Variants in CARMIL3 observed in about 807,000 individuals in gnomAD.
CARMIL3 encodes capping protein regulator and myosin 1 linker 3.
Under a neutral mutation model 180.8 loss-of-function variants are expected in CARMIL3, and 88 were observed. The ratio of observed to expected loss-of-function variants is 0.49; its 90% CI spans 0.41 to 0.58. The LOEUF (loss-of-function observed/expected upper bound fraction) is 0.58. Among genes scored for constraint, CARMIL3 ranks in the 20% least tolerant of loss-of-function variants. The pLI is 0.00. For synonymous variants in CARMIL3, 696 were observed against 714.5 expected, an observed-to-expected ratio of 0.97 and a Z score of 0.41; for missense variants, 1,548 against 1,787.0, an observed-to-expected ratio of 0.87 and a Z score of 2.41.
At position 24,061,589 on chromosome 14, in the gene CARMIL3, G is replaced by A; in HGVS notation, c.2397G>A (p.Val799=). ...GACACAACAAGATGCTGAGCAATGT[G>A]GCGGAGCGTGTCACTGTGCCCCGGA... ...AEGHNKMLSN[V]AERVTVPRNF... The change falls in exon 27 of 40, where the codon GTG becomes GTA. Residue 799 remains valine (V), a synonymous_variant. Coordinates refer to ENST00000342740, the MANE Select transcript of CARMIL3 (RefSeq NM_138360.4). The surrounding 1 kb of genome is among the most constrained non-coding windows in gnomAD (Gnocchi z 4.1). The A allele has an allele frequency of 1.9e-6, 3 of 1,614,016 alleles. No individual in the cohort carries two copies. The highest frequency in any genetic ancestry group is 2.5e-6 in the Non-Finnish European group (3 of 1,179,992).
At position 24,060,628 on chromosome 14, in the gene CARMIL3, ATGC is replaced by A; in HGVS notation, c.2066_2068del (p.Leu689del). 1 of 1,613,704 alleles carries A rather than the reference ATGC, an allele frequency of 6.2e-7. No individual in the cohort carries two copies. The highest frequency in any genetic ancestry group is 8.5e-7 in the Non-Finnish European group (1 of 1,179,870). On this transcript the variant is annotated inframe_deletion and splice_region_variant, in exon 25 of 40. Coordinates refer to ENST00000342740, the MANE Select transcript of CARMIL3 (RefSeq NM_138360.4). ...TGACACCCCTGCCACTGTGCTCCAG[ATGC>A]TGCAGCGGCTGTGTGGACGAGTGCA...
At position 24,055,546 on chromosome 14, in the gene CARMIL3, C is replaced by T. The variant is rs769326535; in HGVS notation, c.609C>T (p.Asp203=). The part of the protein sequence containing the change: ...LLDFSHLESR[D]LALMVAALAY... Reference sequence around the variant, plus strand: ...GCCCCCTTCCATATCCCCACAGAGACTTGGCCCTAATGGTAGCAGCCCTGG... The same window carrying T: ...GCCCCCTTCCATATCCCCACAGAGATTTGGCCCTAATGGTAGCAGCCCTGG... The change falls in exon 9 of 40, where the codon GAC becomes GAT. Residue 203 remains aspartate (D), a synonymous_variant. Transcript: ENST00000342740. 1.4e-5 allele frequency: 23 copies of T among 1,614,162 alleles called. No homozygotes were observed. The highest frequency in any genetic ancestry group is 1.9e-5 in the Non-Finnish European group (22 of 1,180,018).
At chr14:24,055,002 T>C in intron 6 of CARMIL3, 64 bp from the exon 7 acceptor site, 1 of 1,571,446 alleles carries the variant, frequency 6.4e-7, no homozygotes, top group Non-Finnish European at 8.7e-7. Flanking sequence ...TGACTGTTCT[T>C]GAACCCCAAG....
intron 24 of CARMIL3, 32 bp from the exon 25 acceptor site, chr14:24,060,596 G>T (rs1455792404): frequency 6.2e-7 from 1 of 1,609,546 alleles, no homozygotes; most frequent in African/African-American, 1.3e-5. Flanking sequence ...GGAAGCAGGG[G>T]TCCCCTTGAC....
intron 35 of CARMIL3, 25 bp downstream of exon 35, chr14:24,066,489 CT>C: frequency 6.2e-7 from 1 of 1,614,006 alleles, no homozygotes; most frequent in South Asian, 1.1e-5. Flanking sequence ...ATTCAAAGCC[CT>C]TTTGGACCCC....
At position 24,059,394 on chromosome 14, in the gene CARMIL3, T is replaced by A; in HGVS notation, c.1751T>A (p.Ile584Asn). The A allele has an allele frequency of 6.2e-7, 1 of 1,607,684 alleles. No homozygotes were observed. Among genetic ancestry groups the A allele is most frequent in the Non-Finnish European group, 8.5e-7 (1 of 1,177,146 alleles). Residue 584 changes from isoleucine to asparagine, a missense_variant, in exon 21 of 40, where the codon ATC (isoleucine) becomes AAC (asparagine). Physicochemically the swap from Ile to Asn is moderately radical, Grantham distance 149 (BLOSUM62 -3). Coordinates refer to ENST00000342740, the MANE Select transcript of CARMIL3 (RefSeq NM_138360.4). This position sits in a 1 kb window ranked among gnomAD's most constrained non-coding sequence, Gnocchi z 6.3. ...CTGAGCGGCAATGGCATGGAGGACA[T>A]CGGGGCCAAGATGCTGTCTAAGGCC... ...VDLSGNGMED[I>N]GAKMLSKALQ...
rs763918084 is a variant in CARMIL3, at chr14:24,065,255, T to G, written c.3378T>G (p.Pro1126=). ...CTGGATTTGGTGGGGGCCGGGGACC[T>G]TCCTTCCGCCGGAAGATGGTAAGTG... ...LLPGFGGGRG[P]SFRRKMGTEG... The change falls in exon 33 of 40, where the codon CCT becomes CCG. Residue 1126 remains proline (P), a synonymous_variant. Coordinates refer to ENST00000342740, the MANE Select transcript of CARMIL3 (RefSeq NM_138360.4). 6.5e-7 allele frequency: 1 copy of G among 1,539,952 alleles called. No individual in the cohort carries two copies. The highest frequency in any genetic ancestry group is 1.4e-5 in the African/African-American group (1 of 72,134).
intron 34 of CARMIL3, 98 bp downstream of exon 34, chr14:24,065,848 A>G (rs765844849): frequency 1.2e-5 from 18 of 1,514,526 alleles, no homozygotes; most frequent in Non-Finnish European, 1.3e-5. Flanking sequence ...CAGTAGAGAA[A>G]GCAGATGCTT....
At position 24,055,613 on chromosome 14, in the gene CARMIL3, CGGCTGGTAGGAACTGGGAGG is replaced by C. The variant is rs1566538625; in HGVS notation, c.681+3_681+22del. ...CACCAAACTCTACTGCAAGGACTTG[CGGCTGGTAGGAACTGGGAGG>C]GGCTGGTGAGGTGGGAGAAGTAGTG... On this transcript the variant is annotated splice_donor_variant and splice_donor_5th_base_variant and coding_sequence_variant and intron_variant, in exon 9 of 40. Transcript: ENST00000342740. LOFTEE classifies it high-confidence loss of function. The C allele has an allele frequency of 8.7e-6, 14 of 1,614,136 alleles. No individual in the cohort carries two copies. Among genetic ancestry groups the C allele is most frequent in the Non-Finnish European group, 1.2e-5 (14 of 1,180,022 alleles).
intron 12 of CARMIL3, 47 bp downstream of exon 12, chr14:24,056,755 C>T (rs1566539149): frequency 1.3e-6 from 2 of 1,587,836 alleles, no homozygotes; most frequent in African/African-American, 1.3e-5. Context: ...CCTGGTGCTG[C>T]CTGGGGTGTT....
At chr14:24,067,491 G>A (rs186446884) in intron 36 of CARMIL3, among the ~76,000 whole-genome samples, 1 of 152,376 alleles carries the variant, frequency 6.6e-6, no homozygotes, top group East Asian at 1.9e-4. Flanking sequence ...GAGCTGAGCG[G>A]GCTGGTCTGG....
chr14:24,068,445 T>C (rs1594556503), intron 36 of CARMIL3, 139 bp from the exon 37 acceptor site: 3 of 584,592 alleles, frequency 5.1e-6, no homozygotes, highest in Non-Finnish European at 8.5e-6. Context: ...AAAAGGCACA[T>C]GAAAGGCAGA....
At position 24,058,802 on chromosome 14, in the gene CARMIL3, C is replaced by G. The variant is rs1555335851; in HGVS notation, c.1474+41C>G. The G allele has an allele frequency of 1.9e-6, 3 of 1,612,386 alleles. No individual in the cohort carries two copies. In the East Asian group the frequency reaches 6.7e-5, roughly 36 times the overall value. On this transcript the variant is annotated intron_variant, in intron 18 of 39. Transcript: ENST00000342740. The surrounding 1 kb of genome is among the most constrained non-coding windows in gnomAD (Gnocchi z 6.4). ...TCCCTTCCCTGGGGCCAGGGGAGAACAGGGGCCTGGAGCATGCAGAAGCAG... is the reference window on the plus strand; with the variant it reads ...TCCCTTCCCTGGGGCCAGGGGAGAAGAGGGGCCTGGAGCATGCAGAAGCAG...
At chr14:24,065,516 C>T (rs1248174117) in intron 33 of CARMIL3, 106 bp from the exon 34 acceptor site, 6 of 1,479,150 alleles carry the variant, frequency 4.1e-6, no homozygotes, top group African/African-American at 1.4e-5. Flanking sequence ...AGGGCTTCCC[C>T]GTGGCTAGGG....
chr14:24,059,366 G>T lies in CARMIL3; in HGVS notation c.1723G>T (p.Asp575Tyr), dbSNP rs1431207754. ...CAGCAACACCTGCCTGGCCAAGGTG[G>T]ATCTGAGCGGCAATGGCATGGAGGA... Reference protein sequence around the residue: ...LGSNTCLAKVDLSGNGMEDIG... With the variant: ...LGSNTCLAKVYLSGNGMEDIG... Residue 575 changes from aspartate to tyrosine, a missense_variant, in exon 21 of 40, where the codon GAT (aspartate) becomes TAT (tyrosine). Asp to Tyr is a radical substitution (Grantham distance 160). Around this residue, in one of 4 missense-constraint regions of CARMIL3, gnomAD observed 297 missense variants for 415.9 expected, o/e 0.71. Coordinates refer to ENST00000342740, the MANE Select transcript of CARMIL3 (RefSeq NM_138360.4). This position sits in a 1 kb window ranked among gnomAD's most constrained non-coding sequence, Gnocchi z 6.3. 2 of 1,613,410 alleles carry T rather than the reference G, an allele frequency of 1.2e-6. No homozygotes were observed. Among genetic ancestry groups the T allele is most frequent in the Non-Finnish European group, 1.7e-6 (2 of 1,179,732 alleles).
rs2035780009 is a variant in CARMIL3, at chr14:24,065,684, G to C, written c.3459G>C (p.Arg1153Ser). The change falls in exon 34 of 40, where the codon AGG (arginine) becomes AGC (serine). Residue 1153 changes from arginine to serine, a missense_variant. Arg to Ser is a moderately radical substitution (Grantham distance 110). Coordinates refer to ENST00000342740, the MANE Select transcript of CARMIL3 (RefSeq NM_138360.4). ...CCCCTGGGACAGCACAGCAGCCAAG[G>C]GTTCACGGTGTTGCCCTTCCCGGGT... The part of the protein sequence containing the change: ...GPAPGTAQQP[R>S]VHGVALPGLE... 2 of 1,614,120 alleles carry C rather than the reference G, an allele frequency of 1.2e-6. No individual in the cohort carries two copies. The highest frequency in any genetic ancestry group is 2.2e-5 in the South Asian group (2 of 91,076).
chr14:24,060,077 T>A lies in CARMIL3; in HGVS notation c.1962+14T>A. The A allele has an allele frequency of 6.2e-7, 1 of 1,613,842 alleles. No individual in the cohort carries two copies. Among genetic ancestry groups the A allele is most frequent in the East Asian group, 2.2e-5 (1 of 44,864 alleles). On this transcript the variant is annotated intron_variant, in intron 23 of 39. Transcript: ENST00000342740. ...GTCTGGCAGAAGGTGCAGGGTGCTG[T>A]CCTAAGCAGGGTGGCACAGCAAGGG...
At chr14:24,055,036 C>T (rs1422568380) in intron 6 of CARMIL3, 30 bp from the exon 7 acceptor site, 1 of 1,610,266 alleles carries the variant, frequency 6.2e-7, no homozygotes, top group African/African-American at 1.3e-5. Context: ...TCCTTACCCT[C>T]ATGGAATCAG....
intron 11 of CARMIL3, 34 bp downstream of exon 11, chr14:24,056,427 A>T: frequency 1.9e-6 from 3 of 1,589,340 alleles, no homozygotes; most frequent in Non-Finnish European, 2.6e-6. Flanking sequence ...TCCCCATCCC[A>T]ATGCAGACCC....
Sources: gnomAD v4.1 joint callset for allele counts (sites outside exome capture counted in the v4.1 genomes callset) on GRCh38, gnomAD v4.1.1 for gene constraint, gnomAD v4.1.1 regional missense constraint, Gnocchi (gnomAD v3.1) non-coding constraint, MANE v1.5 for transcripts, NCBI Gene and HGNC (gene_info 2026-07-23, HGNC 2026-07-21) for gene names.